The following CREBRF variants were observed in gnomAD, a reference collection of about 807,000 sequenced individuals.
CREBRF encodes CREB3 regulatory factor, also known as UPF0474 protein C5orf41.
Under a neutral mutation model 66.1 loss-of-function variants are expected in CREBRF, and 5 were observed. The ratio of observed to expected loss-of-function variants is 0.08; its 90% confidence interval spans 0.04 to 0.16. CREBRF has a LOEUF of 0.16. Ranked by LOEUF, CREBRF falls within the 10% of genes least tolerant of loss-of-function variation. The probability of loss-of-function intolerance (pLI) is 1.00; values close to 1 mark genes in which losing one functional copy is unlikely to be tolerated. For missense variants in CREBRF, 531 were observed against 744.9 expected (o/e 0.71, Z 3.34); for synonymous variants, 229 against 264.4 (o/e 0.87, Z 1.30).
chr5:173,070,688 T>A (rs1398902001), intron 1 of CREBRF, among the ~76,000 whole-genome samples: 1 of 152,120 alleles, frequency 6.6e-6, no homozygotes, highest in African/African-American at 2.4e-5. Flanking sequence ...TTAAAAAAAA[T>A]TCAGGAGTAC....
chr5:173,099,796 C>G (rs1274035304), intron 4 of CREBRF, among the ~76,000 whole-genome samples: 1 of 151,652 alleles, frequency 6.6e-6, no homozygotes, highest in East Asian at 1.9e-4. Flanking sequence ...TTAACTTCGG[C>G]TATATGTAAA....
At chr5:173,120,108 T>C (rs1011731226) in intron 7 of CREBRF, among the ~76,000 whole-genome samples, 5 of 152,172 alleles carry the variant, frequency 3.3e-5, no homozygotes, top group Non-Finnish European at 5.9e-5. Context: ...AATATTGGTC[T>C]ATGATTTTTA....
At chr5:173,119,172 T>C (rs1448715469) in intron 7 of CREBRF, among the ~76,000 whole-genome samples, 1 of 152,234 alleles carries the variant, frequency 6.6e-6, no homozygotes, top group Admixed American at 6.5e-5. Context: ...CTTTTGCATG[T>C]CTATATAGAT....
intron 2 of CREBRF, chr5:173,085,874 T>A: frequency 1.2e-6 from 1 of 812,530 alleles, no homozygotes; most frequent in Non-Finnish European, 2.2e-6. Context: ...ATCTCTGAGA[T>A]CAGTTTGGGT....
chr5:173,109,858 C>T (rs1396601653), intron 5 of CREBRF: 1 of 152,386 alleles, frequency 6.6e-6, no homozygotes, highest in East Asian at 1.9e-4. Flanking sequence ...AAGTTTTCTA[C>T]TAGAAATGAA....
rs575331186 is a variant in CREBRF, at chr5:173,138,613, G to A, written c.*4868G>A. 8 of 152,274 alleles carry A rather than the reference G, an allele frequency of 5.3e-5. No individual in the cohort carries two copies. Among genetic ancestry groups the A allele is most frequent in the African/African-American group, 1.9e-4 (8 of 41,558 alleles). The allele number at this position is 152,274 out of a possible 1,614,324, so 9.4% of individuals were successfully genotyped here. A position where few individuals can be genotyped will look rare whatever the true frequency, so the allele number is the denominator to read the frequency against. On this transcript the variant is annotated 3_prime_UTR_variant, in exon 9 of 9. Coordinates refer to ENST00000296953, the MANE Select transcript of CREBRF (RefSeq NM_153607.3). ...AGTTTGGGTGAACTAGGTTCGGTTT[G>A]CCTCTTTCATAACAATGTAAACACA...
At chr5:173,122,453 T>C (rs186210730) in intron 7 of CREBRF, among the ~76,000 whole-genome samples, 295 of 152,056 alleles carry the variant, frequency 1.9e-3, no homozygotes, top group Non-Finnish European at 3.4e-3. Flanking sequence ...AATCAGTTTC[T>C]TTGTATAGGA....
chr5:173,137,459 C>T lies in CREBRF; in HGVS notation c.*3714C>T, dbSNP rs1759613384. 1 of 152,040 alleles carries T rather than the reference C, an allele frequency of 6.6e-6. No homozygotes were observed. The highest frequency in any genetic ancestry group is 2.4e-5 in the African/African-American group (1 of 41,432). The allele number at this position is 152,040 out of a possible 1,614,324, so 9.4% of individuals were successfully genotyped here. A position where few individuals can be genotyped will look rare whatever the true frequency, so the allele number is the denominator to read the frequency against. On this transcript the variant is annotated 3_prime_UTR_variant, in exon 9 of 9. Transcript: ENST00000296953. The stretch of plus-strand genomic sequence containing the variant: ...TTTTCTCTGACTTTCATGCATTTCT[C>T]ATACATCTTCTTTCTGATGCTTGAC...
chr5:173,103,122 G>A (rs1217441874), intron 4 of CREBRF, among the ~76,000 whole-genome samples: 24 of 152,132 alleles, frequency 1.6e-4, no homozygotes, highest in Admixed American at 1.6e-3. Flanking sequence ...TTAGCATGTT[G>A]CTCTTACATA....
At chr5:173,069,067 G>A (rs927256218) in intron 1 of CREBRF, among the ~76,000 whole-genome samples, 1 of 151,778 alleles carries the variant, frequency 6.6e-6, no homozygotes, top group African/African-American at 2.4e-5. Flanking sequence ...GGGAGACTCC[G>A]TCTCAAAAAA....
At chr5:173,067,785 G>C (rs997255139) in intron 1 of CREBRF, among the ~76,000 whole-genome samples, 2 of 152,052 alleles carry the variant, frequency 1.3e-5, no homozygotes, top group African/African-American at 4.8e-5. Flanking sequence ...ATCAAGAAGA[G>C]GTCAGGAGAT....
rs372664401 is a variant in CREBRF at position 173,104,252 on chromosome 5, T to A, written c.1223-4372T>A. Among the ~76,000 whole-genome samples, 7 of 152,226 alleles carry A rather than the reference T, an allele frequency of 4.6e-5. No individual in the cohort carries two copies. In the East Asian group the frequency reaches 1.3e-3, roughly 29 times the overall value. ...ACCTGACTACAGAATTCACTTCGGG[T>A]AAAACCATATCTCACGGTAACAGTG... On this transcript the variant is annotated intron_variant, in intron 4 of 8. Transcript: ENST00000296953.
chr5:173,110,732 C>T lies in CREBRF; in HGVS notation c.1607+21C>T, dbSNP rs2113773716. The T allele has an allele frequency of 3.8e-6, 6 of 1,583,578 alleles. No individual in the cohort carries two copies. The East Asian group carries it at 6.7e-5, about 18-fold the overall frequency. On this transcript the variant is annotated intron_variant, in intron 6 of 8. Coordinates refer to ENST00000296953, the MANE Select transcript of CREBRF (RefSeq NM_153607.3). The stretch of plus-strand genomic sequence containing the variant: ...TCCAGGTAAATGCTAATAATGTTCA[C>T]TCATGTGAAGAAAGTTTAGGAGGTG...
chr5:173,074,442 TC>T (rs1331942675), intron 1 of CREBRF, among the ~76,000 whole-genome samples: 1 of 152,134 alleles, frequency 6.6e-6, no homozygotes, highest in African/African-American at 2.4e-5. Flanking sequence ...AACTGAGAGT[TC>T]TTCTGTCTTC....
At chr5:173,096,025 A>G (rs1158691937) in intron 4 of CREBRF, among the ~76,000 whole-genome samples, 6 of 151,802 alleles carry the variant, frequency 4.0e-5, no homozygotes, top group Admixed American at 1.3e-4. Context: ...GCTGGAGTGC[A>G]GTGGCGCCAT....
intron 6 of CREBRF, 74 bp downstream of exon 6, chr5:173,110,785 G>C: frequency 9.9e-7 from 1 of 1,015,126 alleles, no homozygotes; most frequent in Non-Finnish European, 1.4e-6. Flanking sequence ...AGTTTTTATA[G>C]AAGGACAACA....
At chr5:173,114,621 T>G (rs947176951) in intron 7 of CREBRF, among the ~76,000 whole-genome samples, 15 of 152,162 alleles carry the variant, frequency 9.9e-5, no homozygotes, top group Admixed American at 6.6e-5. Flanking sequence ...TCTTTATCAT[T>G]TTTAATATGT....
rs746957474 is a variant in CREBRF at position 173,138,476 on chromosome 5, T to C, written c.*4731T>C. On this transcript the variant is annotated 3_prime_UTR_variant, in exon 9 of 9. Coordinates refer to ENST00000296953, the MANE Select transcript of CREBRF (RefSeq NM_153607.3). ...AATTGCCATTTTTGTTTAGAGAGTT[T>C]TGGAGGTAGTAGTGAGGGGACAGAG... 3.9e-5 allele frequency: 6 copies of C among 152,184 alleles called. No homozygotes were observed. The highest frequency in any genetic ancestry group is 5.9e-5 in the Non-Finnish European group (4 of 68,020). 9.4% of individuals were successfully genotyped at this position (152,184 alleles called of 1,614,324 possible). A position where few individuals can be genotyped will look rare whatever the true frequency, so the allele number is the denominator to read the frequency against.
chr5:173,059,107 A>G (rs1757178551), intron 1 of CREBRF, among the ~76,000 whole-genome samples: 1 of 151,032 alleles, frequency 6.6e-6, no homozygotes, highest in East Asian at 2.0e-4. Context: ...CTGATTCATC[A>G]ATTTTTGTAG....
Sources: gnomAD v4.1 joint callset for allele counts (sites outside exome capture counted in the v4.1 genomes callset) on GRCh38, gnomAD v4.1.1 for gene constraint, MANE v1.5 for transcripts, NCBI Gene and HGNC (gene_info 2026-07-23, HGNC 2026-07-21) for gene names.